The following ELK3 variants were observed in gnomAD, a reference collection of about 807,000 sequenced individuals.
ELK3 encodes the protein ETS domain-containing protein Elk-3.
A neutral mutation model predicts 28.9 loss-of-function variants in ELK3; 10 were observed. That is an observed-to-expected ratio of 0.35 (90% CI 0.21 to 0.59). The LOEUF (loss-of-function observed/expected upper bound fraction) is 0.59, where lower values mean the gene tolerates loss of function less well. ELK3 is among the 20% of genes least tolerant of loss of function. The pLI, the probability that ELK3 is intolerant of heterozygous loss-of-function variation, is 0.82. For synonymous variants in ELK3, 272 were observed against 243.5 expected (o/e 1.12, Z -1.09); for missense variants, 463 against 517.3 (o/e 0.90, Z 1.02).
At chr12:96,226,720 A>G (rs950354933) in intron 2 of ELK3, among the ~76,000 whole-genome samples, 14 of 152,242 alleles carry the variant, frequency 9.2e-5, no homozygotes, top group African/African-American at 3.1e-4. Flanking sequence ...ATGTGCACGC[A>G]TGGCTGGTTA....
In ELK3 at chr12:96,194,382, T is replaced by C. The variant is rs1490291955; in HGVS notation, c.-326T>C. On this transcript the variant is annotated 5_prime_UTR_variant, in exon 1 of 5. Transcript: ENST00000228741. ...CGGGGCGGCGGGGGAGGCGCGGGCCTGGGCGGCCAGCCCCGGCGCACAGCC... is the reference window on the plus strand; with the variant it reads ...CGGGGCGGCGGGGGAGGCGCGGGCCCGGGCGGCCAGCCCCGGCGCACAGCC... 2.1e-5 allele frequency: 3 copies of C among 143,664 alleles called. No homozygotes were observed. Among genetic ancestry groups the C allele is most frequent in the African/African-American group, 5.0e-5 (2 of 39,768 alleles). 8.9% of individuals were successfully genotyped at this position (143,664 alleles called of 1,614,324 possible).
At chr12:96,233,794 G>C (rs10492223) in intron 2 of ELK3, among the ~76,000 whole-genome samples, 11,993 of 152,236 alleles carry the variant, frequency 0.079, 570 homozygotes, top group African/African-American at 0.14. Context: ...TGTTGGTCAT[G>C]GAATGTTAGG....
chr12:96,235,327 T>C (rs574987592), intron 2 of ELK3, among the ~76,000 whole-genome samples: 1 of 151,932 alleles, frequency 6.6e-6, no homozygotes, highest in South Asian at 2.1e-4. Flanking sequence ...CACTTGGTGA[T>C]GGCCGTGTCT....
At chr12:96,210,664 C>G (rs967210276) in intron 1 of ELK3, among the ~76,000 whole-genome samples, 1 of 151,996 alleles carries the variant, frequency 6.6e-6, no homozygotes, top group East Asian at 1.9e-4. Context: ...CCACTTGTAT[C>G]GAGAACCACC....
intron 1 of ELK3, among the ~76,000 whole-genome samples, chr12:96,220,216 C>T (rs1951652398): frequency 6.6e-6 from 1 of 152,080 alleles, no homozygotes; most frequent in Admixed American, 6.6e-5. Flanking sequence ...TGTTCCCTTT[C>T]TACTCTTTCA....
chr12:96,266,985 G>A lies in ELK3; in HGVS notation c.1126-97G>A, dbSNP rs559330795. The A allele has an allele frequency of 1.2e-5, 11 of 930,770 alleles. No individual in the cohort carries two copies. The Admixed American group carries it at 1.4e-4, about 12-fold the overall frequency. The allele number at this position is 930,770 out of a possible 1,614,324, so 57.7% of individuals were successfully genotyped here. A position where few individuals can be genotyped will look rare whatever the true frequency, so the allele number is the denominator to read the frequency against. The stretch of plus-strand genomic sequence containing the variant: ...AATCTCTATCACAGGGGTGATGAGA[G>A]AAATGGACTGCTATGGACTGTATGG... On this transcript the variant is annotated intron_variant, in intron 4 of 4. Coordinates refer to ENST00000228741, the MANE Select transcript of ELK3 (RefSeq NM_005230.4).
At chr12:96,233,666 G>A (rs1023448804) in intron 2 of ELK3, among the ~76,000 whole-genome samples, 2 of 152,148 alleles carry the variant, frequency 1.3e-5, no homozygotes, top group Admixed American at 6.5e-5. Context: ...ACCTGGCCCT[G>A]GTGGAATTCT....
intron 1 of ELK3, among the ~76,000 whole-genome samples, chr12:96,197,235 A>G (rs1481905581): frequency 6.6e-6 from 1 of 152,160 alleles, no homozygotes; most frequent in Non-Finnish European, 1.5e-5. Context: ...AACTAGGAGT[A>G]ATTTTACCTC....
chr12:96,222,535 T>G (rs1951669827), intron 1 of ELK3, among the ~76,000 whole-genome samples: 1 of 152,224 alleles, frequency 6.6e-6, no homozygotes, highest in African/African-American at 2.4e-5. Context: ...TTGTTCGGTT[T>G]CACAAGCATC....
intron 1 of ELK3, among the ~76,000 whole-genome samples, chr12:96,220,038 C>G (rs1951651463): frequency 6.8e-6 from 1 of 147,052 alleles, no homozygotes; most frequent in South Asian, 2.1e-4. Context: ...TCTGATGATC[C>G]CCTGTGCCTG....
At chr12:96,239,348 T>G (rs1951804805) in intron 2 of ELK3, among the ~76,000 whole-genome samples, 1 of 152,172 alleles carries the variant, frequency 6.6e-6, no homozygotes, top group African/African-American at 2.4e-5. Flanking sequence ...TTTAAAGGTA[T>G]GGGGAAGTGT....
Position 96,267,295 on chromosome 12 carries a change from A to G in ELK3, c.*115A>G. ...TGAAACTCTTGTTAATTTGGTTTGC[A>G]CTTTTCATAACATGGATAGTCTAGA... On this transcript the variant is annotated 3_prime_UTR_variant, in exon 5 of 5. Coordinates refer to ENST00000228741, the MANE Select transcript of ELK3 (RefSeq NM_005230.4). 1.3e-6 allele frequency: 1 copy of G among 795,812 alleles called. No individual in the cohort carries two copies. Among genetic ancestry groups the G allele is most frequent in the South Asian group, 1.9e-5 (1 of 51,562 alleles). 49.3% of individuals were successfully genotyped at this position (795,812 alleles called of 1,614,324 possible).
chr12:96,235,114 G>A (rs1375279591), intron 2 of ELK3, among the ~76,000 whole-genome samples: 1 of 151,972 alleles, frequency 6.6e-6, no homozygotes, highest in African/African-American at 2.4e-5. Context: ...CTGCGTGTGC[G>A]CCTCCCAGCT....
intron 1 of ELK3, among the ~76,000 whole-genome samples, chr12:96,215,158 T>C (rs1951603069): frequency 6.6e-6 from 1 of 151,818 alleles, no homozygotes; most frequent in African/African-American, 2.4e-5. Context: ...ACATAGAAGC[T>C]TAAGAAAATC....
At chr12:96,248,648 G>A (rs1166171148) in intron 3 of ELK3, among the ~76,000 whole-genome samples, 1 of 152,146 alleles carries the variant, frequency 6.6e-6, no homozygotes, top group African/African-American at 2.4e-5. Flanking sequence ...GTGAGCTGGG[G>A]ACACCTGGTA....
intron 1 of ELK3, among the ~76,000 whole-genome samples, chr12:96,213,581 G>A (rs1176014953): frequency 6.6e-6 from 1 of 152,170 alleles, no homozygotes; most frequent in Non-Finnish European, 1.5e-5. Context: ...CCATATAAAA[G>A]TCACTGACAA....
At chr12:96,266,818 ATATAAAT>A (rs1279345881) in intron 4 of ELK3, among the ~76,000 whole-genome samples, 3 of 152,230 alleles carry the variant, frequency 2.0e-5, no homozygotes, top group Admixed American at 6.5e-5. Flanking sequence ...CTTTAGCAAC[ATATAAAT>A]TATATATTTT....
At chr12:96,208,074 A>G (rs1312499087) in intron 1 of ELK3, among the ~76,000 whole-genome samples, 1 of 151,916 alleles carries the variant, frequency 6.6e-6, no homozygotes. Context: ...TTTTTTTGAG[A>G]CAGAGTCTCG....
At chr12:96,195,942 C>G (rs1951462879) in intron 1 of ELK3, among the ~76,000 whole-genome samples, 2 of 151,780 alleles carry the variant, frequency 1.3e-5, no homozygotes, top group African/African-American at 4.8e-5. Context: ...CTACCCCCAC[C>G]CCAGTCCTCC....
Sources: gnomAD v4.1 joint callset for allele counts (sites outside exome capture counted in the v4.1 genomes callset) on GRCh38, gnomAD v4.1.1 for gene constraint, MANE v1.5 for transcripts, NCBI Gene and HGNC (gene_info 2026-07-23, HGNC 2026-07-21) for gene names.